HDAC9: variants seen among roughly 807,000 people sequenced by gnomAD.
The protein encoded by HDAC9 is histone deacetylase 9, also known as MEF-2 interacting transcription repressor (MITR) protein.
In HDAC9, 41 loss-of-function variants were observed where a neutral mutation model predicts 139.4. That is an observed-to-expected ratio of 0.29 (90% CI 0.23 to 0.38). The LOEUF is 0.38. HDAC9 is among the 10% of genes least tolerant of loss of function. HDAC9 has a pLI of 1.00. For missense variants in HDAC9, 1,147 were observed against 1,297.0 expected, an observed-to-expected ratio of 0.88 and a Z score of 1.78; for synonymous variants, 517 against 476.2, an observed-to-expected ratio of 1.09 and a Z score of -1.12.
chr7:18,272,339 AT>A (rs1796405707), intron 2 of HDAC9, among the ~76,000 whole-genome samples: 1 of 152,138 alleles, frequency 6.6e-6, no homozygotes, highest in African/African-American at 2.4e-5. Flanking sequence ...CATATTTAAG[AT>A]TTTTTAAAAA....
At chr7:18,978,071 G>A (rs150719593) in intron 25 of HDAC9, among the ~76,000 whole-genome samples, 2 of 152,182 alleles carry the variant, frequency 1.3e-5, no homozygotes, top group Admixed American at 6.5e-5. Context: ...TTCAAAATGA[G>A]ATAAAGTGGC....
At chr7:18,450,668 G>A (rs1418824903) in intron 1 of HDAC9, among the ~76,000 whole-genome samples, 1 of 152,166 alleles carries the variant, frequency 6.6e-6, no homozygotes, top group Non-Finnish European at 1.5e-5. Flanking sequence ...TTTTGTTACA[G>A]AACTCAGAGG....
In HDAC9 at chr7:18,157,804, T is replaced by TGAGAGAGAGAGA. The variant is rs67690215; in HGVS notation, c.-96-4388_-96-4377dup. Among the ~76,000 whole-genome samples the TGAGAGAGAGAGA allele has an allele frequency of 2.0e-3, 219 of 109,504 alleles. 10 individuals carry two copies. Among genetic ancestry groups the TGAGAGAGAGAGA allele is most frequent in the African/African-American group, 4.1e-3 (113 of 27,602 alleles). 71.8% of individuals were successfully genotyped at this position (109,504 alleles called of 152,430 possible). A position where few individuals can be genotyped will look rare whatever the true frequency, so the allele number is the denominator to read the frequency against. On this transcript the variant is annotated intron_variant, in intron 1 of 12. Transcript: ENST00000417496. The stretch of plus-strand genomic sequence containing the variant: ...CAGCAGAATTTCAGGTTCTAAGGCA[T>TGAGAGAGAGAGA]GAGAGAGAGAGAGAGAGAGAGAGAG...
At chr7:18,242,372 A>C (rs1015868522) in intron 2 of HDAC9, among the ~76,000 whole-genome samples, 1 of 152,240 alleles carries the variant, frequency 6.6e-6, no homozygotes, top group African/African-American at 2.4e-5. Context: ...GGTTACTGGA[A>C]GAAACAGAAG....
At chr7:18,877,335 G>C (rs1437753115) in intron 22 of HDAC9, among the ~76,000 whole-genome samples, 3 of 152,126 alleles carry the variant, frequency 2.0e-5, no homozygotes, top group African/African-American at 7.2e-5. Flanking sequence ...GAAAAGTTCT[G>C]TACAGGCAAT....
intron 12 of HDAC9, among the ~76,000 whole-genome samples, chr7:18,727,367 A>G (rs1472858247): frequency 6.6e-6 from 1 of 152,228 alleles, no homozygotes; most frequent in Non-Finnish European, 1.5e-5. Flanking sequence ...CCAGGCAGAC[A>G]GGCCCTGGCC....
chr7:18,552,152 T>C (rs892826808), intron 2 of HDAC9, among the ~76,000 whole-genome samples: 5 of 152,214 alleles, frequency 3.3e-5, no homozygotes, highest in African/African-American at 1.2e-4. Context: ...TACACTCTTA[T>C]TGAATTTGTT....
chr7:18,390,734 G>C (rs1292193707), intron 1 of HDAC9, among the ~76,000 whole-genome samples: 1 of 152,194 alleles, frequency 6.6e-6, no homozygotes, highest in Non-Finnish European at 1.5e-5. Flanking sequence ...AGTGACTTAT[G>C]AGAATATATC....
intron 14 of HDAC9, among the ~76,000 whole-genome samples, chr7:18,752,297 A>G (rs1165615388): frequency 2.0e-5 from 3 of 152,084 alleles, no homozygotes; most frequent in African/African-American, 7.2e-5. Context: ...CCAAAAGCCT[A>G]CTGGTTAGTG....
intron 1 of HDAC9, among the ~76,000 whole-genome samples, chr7:18,134,529 A>G (rs1785256516): frequency 6.6e-6 from 1 of 152,204 alleles, no homozygotes; most frequent in Non-Finnish European, 1.5e-5. Context: ...GTAACTTCAT[A>G]TGAATTTTTA....
chr7:18,143,191 T>C (rs1408351642), intron 1 of HDAC9, among the ~76,000 whole-genome samples: 3 of 152,226 alleles, frequency 2.0e-5, no homozygotes, highest in African/African-American at 7.2e-5. Flanking sequence ...AATAAATCTC[T>C]ATAATGGCAT....
chr7:18,577,314 A>T (rs919684987), intron 2 of HDAC9, among the ~76,000 whole-genome samples: 1 of 152,078 alleles, frequency 6.6e-6, no homozygotes, highest in Non-Finnish European at 1.5e-5. Flanking sequence ...AGTCATTTGC[A>T]GTTTCCTTTT....
At chr7:18,662,658 T>C (rs1340411671) in intron 11 of HDAC9, among the ~76,000 whole-genome samples, 1 of 151,954 alleles carries the variant, frequency 6.6e-6, no homozygotes, top group Admixed American at 6.6e-5. Flanking sequence ...GGAGGCTGAG[T>C]TTCTCTTCTG....
Position 18,246,803 on chromosome 7 carries a change from G to C in HDAC9, c.25+84454G>C, listed in dbSNP as rs73681750. Among the ~76,000 whole-genome samples the C allele has an allele frequency of 5.9e-3, 900 of 152,226 alleles. 10 individuals are homozygous for C. The highest frequency in any genetic ancestry group is 0.02 in the African/African-American group (851 of 41,532). On this transcript the variant is annotated intron_variant, in intron 2 of 12. Coordinates refer to the HDAC9 transcript ENST00000417496. The stretch of plus-strand genomic sequence containing the variant: ...AGGTCGTATGTGTGAGACAGGGTGA[G>C]AGGCAGATTGACTAGGAGGTTATCA...
chr7:18,916,587 A>G (rs1255073795), intron 22 of HDAC9, among the ~76,000 whole-genome samples: 1 of 151,938 alleles, frequency 6.6e-6, no homozygotes, highest in Non-Finnish European at 1.5e-5. Flanking sequence ...TAAAATGTTG[A>G]TGAATTCTAT....
intron 23 of HDAC9, among the ~76,000 whole-genome samples, chr7:18,944,675 A>G (rs950344869): frequency 1.3e-5 from 2 of 152,154 alleles, no homozygotes; most frequent in Non-Finnish European, 2.9e-5. Context: ...TGTCAGCTCT[A>G]TCTCTATGAA....
intron 12 of HDAC9, among the ~76,000 whole-genome samples, chr7:18,718,486 G>C (rs904324456): frequency 7.9e-5 from 12 of 152,112 alleles, no homozygotes; most frequent in Non-Finnish European, 1.5e-4. Flanking sequence ...ACCCGCCTCG[G>C]CCTCCCAAAG....
intron 1 of HDAC9, among the ~76,000 whole-genome samples, chr7:18,098,018 C>A (rs1005323126): frequency 6.6e-6 from 1 of 152,132 alleles, no homozygotes; most frequent in African/African-American, 2.4e-5. Context: ...TTCTTTTTCT[C>A]CAATTGTTTT....
chr7:18,386,762 C>T (rs1785974724), intron 1 of HDAC9, among the ~76,000 whole-genome samples: 1 of 152,218 alleles, frequency 6.6e-6, no homozygotes. Flanking sequence ...CACTCGTATT[C>T]AGTCCTCAGA....
Sources: gnomAD v4.1 joint callset for allele counts (sites outside exome capture counted in the v4.1 genomes callset) on GRCh38, gnomAD v4.1.1 for gene constraint, MANE v1.5 for transcripts, NCBI Gene and HGNC (gene_info 2026-07-23, HGNC 2026-07-21) for gene names.